The following BTBD16 variants were observed in gnomAD, a reference collection of about 807,000 sequenced individuals.
BTBD16 encodes the protein BTB/POZ domain-containing protein 16.
A neutral mutation model predicts 67.4 loss-of-function variants in BTBD16; 66 were observed. The observed-to-expected ratio is 0.98, with a 90% CI of 0.80 to 1.20. The LOEUF is 1.20. Among genes scored for constraint, BTBD16 ranks in the 50% most tolerant of loss-of-function variants. The pLI is 0.00. For synonymous variants in BTBD16, 242 were observed against 236.4 expected (o/e 1.02, Z -0.22); for missense variants, 634 against 616.0 (o/e 1.03, Z -0.31).
rs147355457 is a variant in BTBD16 at position 122,299,068 on chromosome 10, G to C, written c.725G>C (p.Gly242Ala). ...CTGGAAATGAACTTGGTTCCTCTAG[G>C]GGGGACGCAGATCCACCTCCACAAA... Reference protein sequence around the residue: ...KWLEMNLVPLGGTQIHLHKIP... With the variant: ...KWLEMNLVPLAGTQIHLHKIP... The change falls in exon 9 of 16, where the codon GGG becomes GCG. Residue 242 changes from glycine (G) to alanine (A), a missense_variant. Coordinates refer to ENST00000260723, the MANE Select transcript of BTBD16 (RefSeq NM_144587.5). The C allele has an allele frequency of 4.2e-5, 68 of 1,613,998 alleles. No individual in the cohort carries two copies. Among genetic ancestry groups the C allele is most frequent in the Admixed American group, 1.5e-4 (9 of 60,000 alleles).
chr10:122,283,073 A>G (rs544278082), intron 3 of BTBD16, among the ~76,000 whole-genome samples: 1 of 152,302 alleles, frequency 6.6e-6, no homozygotes, highest in South Asian at 2.1e-4. Context: ...TAGCCGTGCT[A>G]AGGAGTTTGG....
At chr10:122,298,179 G>T (rs980740173) in intron 8 of BTBD16, among the ~76,000 whole-genome samples, 1 of 152,126 alleles carries the variant, frequency 6.6e-6, no homozygotes. Context: ...AGTGTGTCAG[G>T]GTTAGGAATA....
At chr10:122,305,585 T>TG (rs2096402274) in intron 9 of BTBD16, among the ~76,000 whole-genome samples, 1 of 152,198 alleles carries the variant, frequency 6.6e-6, no homozygotes. Context: ...GCCAAGCAGA[T>TG]GCCAGCATCA....
intron 5 of BTBD16, 39 bp downstream of exon 5, chr10:122,286,287 C>T (rs1590054723): frequency 6.4e-7 from 1 of 1,564,912 alleles, no homozygotes; most frequent in Non-Finnish European, 8.7e-7. Context: ...AGCCCCAGTG[C>T]CCTCTAGCTT....
chr10:122,337,349 A>G (rs1409149989), intron 15 of BTBD16, among the ~76,000 whole-genome samples: 1 of 152,248 alleles, frequency 6.6e-6, no homozygotes, highest in East Asian at 1.9e-4. Context: ...GACGTTAGAA[A>G]TCACAGTAAC....
rs143428584 is a variant in BTBD16 at position 122,326,714 on chromosome 10, C to T, written c.912-2766C>T. Among the ~76,000 whole-genome samples the T allele has an allele frequency of 4.9e-4, 75 of 152,272 alleles. 1 individual carries two copies. The highest frequency in any genetic ancestry group is 1.8e-3 in the African/African-American group (74 of 41,556). ...TGTCCCCAGGGTCTGGCAAGTAGGA[C>T]CCAGGGCCAACCTGGATGTATCTTT... On this transcript the variant is annotated intron_variant, in intron 10 of 15. Transcript: ENST00000260723.
chr10:122,312,708 A>T (rs1174165179), intron 10 of BTBD16, among the ~76,000 whole-genome samples: 1 of 152,100 alleles, frequency 6.6e-6, no homozygotes, highest in Non-Finnish European at 1.5e-5. Context: ...GCATTTCTTT[A>T]TATATTTGTT....
In BTBD16 at chr10:122,331,253, C is replaced by T; in HGVS notation, c.1081C>T (p.His361Tyr). ...CGACCAGGTTACAGTCAACCATTAC[C>T]ACGCAGTGAGTTGCCTGCTCTGCAA... Reference protein sequence around the residue: ...WLDQVTVNHYHALENGGDMVH... With the variant: ...WLDQVTVNHYYALENGGDMVH... The change falls in exon 12 of 16, where the codon CAC (histidine) becomes TAC (tyrosine). Residue 361 changes from histidine to tyrosine, a missense_variant. Transcript: ENST00000260723. The T allele has an allele frequency of 6.2e-7, 1 of 1,613,462 alleles. No homozygotes were observed. The highest frequency in any genetic ancestry group is 8.5e-7 in the Non-Finnish European group (1 of 1,179,818).
chr10:122,329,614 G>A (rs10887130), intron 11 of BTBD16, 43 bp downstream of exon 11: 60,827 of 1,560,918 alleles, frequency 0.039, 3,652 homozygotes, highest in East Asian at 0.25. Flanking sequence ...GAAAGCTGCT[G>A]GGCACCTGCC....
intron 5 of BTBD16, 97 bp downstream of exon 5, chr10:122,286,345 C>T: frequency 6.8e-7 from 1 of 1,470,430 alleles, no homozygotes; most frequent in Non-Finnish European, 9.0e-7. Flanking sequence ...ACCACGGTCA[C>T]TCTAGCAGTC....
At chr10:122,277,732 G>T (rs555708458) in intron 3 of BTBD16, among the ~76,000 whole-genome samples, 1 of 152,232 alleles carries the variant, frequency 6.6e-6, no homozygotes, top group South Asian at 2.1e-4. Context: ...CTGAGGGATG[G>T]TATTAATCTA....
intron 3 of BTBD16, among the ~76,000 whole-genome samples, chr10:122,281,185 T>A (rs969338758): frequency 7.2e-5 from 11 of 152,188 alleles, no homozygotes; most frequent in African/African-American, 2.7e-4. Flanking sequence ...CAAGGATCCA[T>A]AACAAGGGCG....
intron 10 of BTBD16, among the ~76,000 whole-genome samples, chr10:122,322,950 A>G (rs1396700114): frequency 1.3e-5 from 2 of 152,172 alleles, no homozygotes; most frequent in Non-Finnish European, 2.9e-5. Context: ...GTTCCTAAGC[A>G]TGGCTCCCGC....
chr10:122,310,939 C>T (rs1038303706), intron 10 of BTBD16, among the ~76,000 whole-genome samples: 2 of 152,150 alleles, frequency 1.3e-5, no homozygotes, highest in East Asian at 1.9e-4. Context: ...AAAGGAGGGT[C>T]GAGAGCCATT....
At chr10:122,279,527 C>CACACACAT (rs2096347948) in intron 3 of BTBD16, among the ~76,000 whole-genome samples, 2 of 151,658 alleles carry the variant, frequency 1.3e-5, no homozygotes, top group South Asian at 2.1e-4. Context: ...CACACACACA[C>CACACACAT]ACACACACAC....
At chr10:122,313,097 C>T (rs944726402) in intron 10 of BTBD16, among the ~76,000 whole-genome samples, 8 of 151,694 alleles carry the variant, frequency 5.3e-5, no homozygotes, top group Non-Finnish European at 7.4e-5. Context: ...AGGCTGGTCT[C>T]GAACTCCTGA....
chr10:122,324,828 G>T (rs922246759), intron 10 of BTBD16, among the ~76,000 whole-genome samples: 1 of 152,162 alleles, frequency 6.6e-6, no homozygotes, highest in African/African-American at 2.4e-5. Flanking sequence ...CCGCCATGTT[G>T]CTTCTTGGCT....
intron 7 of BTBD16, among the ~76,000 whole-genome samples, chr10:122,295,783 T>A (rs934425811): frequency 7.2e-5 from 11 of 152,154 alleles, no homozygotes; most frequent in Non-Finnish European, 1.5e-4. Context: ...TCAAGACAAC[T>A]CCTTCTAATG....
At chr10:122,306,869 G>GA (rs536332686) in intron 9 of BTBD16, among the ~76,000 whole-genome samples, 71 of 152,290 alleles carry the variant, frequency 4.7e-4, no homozygotes, top group African/African-American at 8.7e-4. Flanking sequence ...GGAATTAAAT[G>GA]AAAAAATCTA....
Sources: allele counts gnomAD v4.1 joint callset (sites outside exome capture counted in the v4.1 genomes callset), GRCh38; gene constraint gnomAD v4.1.1; transcripts MANE v1.5; gene names NCBI Gene and HGNC (gene_info 2026-07-23, HGNC 2026-07-21).